The following MAGI2 variants were observed in gnomAD, a reference collection of about 807,000 sequenced individuals.
MAGI2 encodes membrane associated guanylate kinase, WW and PDZ domain containing 2.
MAGI2 carries 35 observed loss-of-function variants against 133.3 expected under a neutral mutation model. The ratio of observed to expected loss-of-function variants is 0.26; its 90% CI spans 0.20 to 0.35. The LOEUF is 0.35. MAGI2 is among the 10% of genes least tolerant of loss of function. MAGI2 has a pLI of 1.00. For synonymous variants in MAGI2, 729 were observed against 710.6 expected (o/e 1.03, Z -0.41); for missense variants, 1,636 against 1,863.4 (o/e 0.88, Z 2.25).
At chr7:79,368,796 C>A (rs1190942990) in intron 1 of MAGI2, among the ~76,000 whole-genome samples, 1 of 137,024 alleles carries the variant, frequency 7.3e-6, no homozygotes, top group Non-Finnish European at 1.5e-5. Flanking sequence ...TGCAGTGAGC[C>A]GAGATTGTGC....
intron 1 of MAGI2, among the ~76,000 whole-genome samples, chr7:79,303,918 T>C (rs1439277919): frequency 6.6e-6 from 1 of 152,112 alleles, no homozygotes; most frequent in Non-Finnish European, 1.5e-5. Flanking sequence ...AGAGAACAAA[T>C]ACACACACAT....
At chr7:78,071,653 C>A (rs145701601) in intron 21 of MAGI2, among the ~76,000 whole-genome samples, 53 of 152,222 alleles carry the variant, frequency 3.5e-4, no homozygotes, top group African/African-American at 1.2e-3. Context: ...CAGAGAGCAT[C>A]CTGAGCCTTT....
intron 2 of MAGI2, among the ~76,000 whole-genome samples, chr7:78,730,234 C>T (rs903702332): frequency 1.3e-5 from 2 of 151,846 alleles, no homozygotes; most frequent in Non-Finnish European, 2.9e-5. Flanking sequence ...ATTTTTATCC[C>T]CAGAGTTACT....
intron 1 of MAGI2, among the ~76,000 whole-genome samples, chr7:79,346,812 T>C (rs558934464): frequency 6.6e-6 from 1 of 152,146 alleles, no homozygotes; most frequent in African/African-American, 2.4e-5. Context: ...TGATCTCTCC[T>C]TTTGCATTCT....
At chr7:79,351,000 T>C (rs1841650410) in intron 1 of MAGI2, among the ~76,000 whole-genome samples, 1 of 152,136 alleles carries the variant, frequency 6.6e-6, no homozygotes, top group Non-Finnish European at 1.5e-5. Flanking sequence ...AACAGCTCTA[T>C]TAAGTAAATG....
chr7:78,504,456 A>G (rs891397519), intron 4 of MAGI2, among the ~76,000 whole-genome samples: 8 of 152,172 alleles, frequency 5.3e-5, no homozygotes, highest in Non-Finnish European at 7.3e-5. Context: ...ATCAAGAGAA[A>G]GAAATACCGT....
At chr7:78,276,697 T>C (rs1795096060) in intron 9 of MAGI2, among the ~76,000 whole-genome samples, 1 of 152,200 alleles carries the variant, frequency 6.6e-6, no homozygotes, top group Non-Finnish European at 1.5e-5. Flanking sequence ...ACATATTATA[T>C]GTATATGAAA....
chr7:78,121,277 T>A (rs186650096), intron 20 of MAGI2, among the ~76,000 whole-genome samples: 1 of 149,548 alleles, frequency 6.7e-6, no homozygotes, highest in East Asian at 1.9e-4. Flanking sequence ...AATTAAGACT[T>A]TCTCATTATC....
At chr7:78,486,359 C>A (rs1415939165) in intron 6 of MAGI2, 2 of 152,260 alleles carry the variant, frequency 1.3e-5, no homozygotes, top group African/African-American at 4.8e-5. Context: ...TAGAGTCCCA[C>A]ACAAACATGG....
At chr7:78,275,642 C>T (rs2150997442) in intron 9 of MAGI2, among the ~76,000 whole-genome samples, 1 of 152,126 alleles carries the variant, frequency 6.6e-6, no homozygotes, top group African/African-American at 2.4e-5. Flanking sequence ...CTAATATGTA[C>T]AATAAAGAAA....
chr7:78,518,628 T>C (rs1046771642), intron 4 of MAGI2: 1 of 152,232 alleles, frequency 6.6e-6, no homozygotes, highest in Non-Finnish European at 1.5e-5. Context: ...TGTGCCTCAT[T>C]GATTATAATA....
chr7:79,387,820 C>T (rs1211677204), intron 1 of MAGI2, among the ~76,000 whole-genome samples: 1 of 151,778 alleles, frequency 6.6e-6, no homozygotes, highest in Non-Finnish European at 1.5e-5. Flanking sequence ...AAATTTGGAA[C>T]ATGATGGAAA....
At chr7:79,381,270 T>C (rs1041439515) in intron 1 of MAGI2, among the ~76,000 whole-genome samples, 2 of 151,678 alleles carry the variant, frequency 1.3e-5, no homozygotes. Context: ...CTTTCTTCTC[T>C]ATGTCAACAC....
rs911667020 is a variant in MAGI2, at chr7:78,830,469, A to G, written c.418+176621T>C. On this transcript the variant is annotated intron_variant, in intron 2 of 21. Coordinates refer to ENST00000354212, the MANE Select transcript of MAGI2 (RefSeq NM_012301.4). ...TGTTCCCCTTGTAGTACTATCATCTACATTTCCACTCCATTCTGCATCCAT... is the reference window on the plus strand; with the variant it reads ...TGTTCCCCTTGTAGTACTATCATCTGCATTTCCACTCCATTCTGCATCCAT... Among the ~76,000 whole-genome samples, 26 of 152,106 alleles carry G rather than the reference A, an allele frequency of 1.7e-4. 1 individual carries two copies. The highest frequency in any genetic ancestry group is 5.3e-4 in the African/African-American group (22 of 41,424).
At chr7:78,895,158 A>T (rs1476677719) in intron 2 of MAGI2, among the ~76,000 whole-genome samples, 1 of 152,096 alleles carries the variant, frequency 6.6e-6, no homozygotes, top group African/African-American at 2.4e-5. Flanking sequence ...CAGGTTAGTT[A>T]TTATGAGAGT....
chr7:79,078,405 C>T (rs1417028474), intron 1 of MAGI2, among the ~76,000 whole-genome samples: 1 of 152,070 alleles, frequency 6.6e-6, no homozygotes. Flanking sequence ...AGCTACTCCT[C>T]AGTTAACTGA....
At chr7:78,535,997 T>C (rs1296754024) in intron 3 of MAGI2, among the ~76,000 whole-genome samples, 45 of 149,422 alleles carry the variant, frequency 3.0e-4, no homozygotes, top group Admixed American at 2.8e-3. Flanking sequence ...GACCCTCTTC[T>C]CACCAAATTA....
chr7:78,185,589 C>T lies in MAGI2; in HGVS notation c.2311+40G>A, dbSNP rs368568137. 7.2e-5 allele frequency: 106 copies of T among 1,473,324 alleles called. No individual in the cohort carries two copies. In the African/African-American group the frequency reaches 7.8e-4, roughly 11 times the overall value. 91.3% of individuals were successfully genotyped at this position (1,473,324 alleles called of 1,614,324 possible). A position where few individuals can be genotyped will look rare whatever the true frequency, so the allele number is the denominator to read the frequency against. On this transcript the variant is annotated intron_variant, in intron 13 of 21. Transcript: ENST00000354212. ...ATGATTTGTTACACAAAATGGAAGACGTTTTGTTCACAGAACTGTGAGTAC... is the reference window on the plus strand; with the variant it reads ...ATGATTTGTTACACAAAATGGAAGATGTTTTGTTCACAGAACTGTGAGTAC...
chr7:78,561,799 G>A lies in MAGI2; in HGVS notation c.539-40154C>T, dbSNP rs560447446. Among the ~76,000 whole-genome samples, 3 of 152,302 alleles carry A rather than the reference G, an allele frequency of 2.0e-5. No individual in the cohort carries two copies. In the East Asian group the frequency reaches 5.8e-4, roughly 29 times the overall value. ...CATGTATCTGGGGGATGGCAGGAAA[G>A]GTTGCAGGGGATAGGCTAAAGTAAG... On this transcript the variant is annotated intron_variant, in intron 3 of 21. Transcript: ENST00000354212.
Sources: allele counts gnomAD v4.1 joint callset (sites outside exome capture counted in the v4.1 genomes callset), GRCh38; gene constraint gnomAD v4.1.1; transcripts MANE v1.5; gene names NCBI Gene and HGNC (gene_info 2026-07-23, HGNC 2026-07-21).